PDE11A: variants seen among roughly 807,000 people sequenced by gnomAD.
The protein encoded by PDE11A is phosphodiesterase 11A, also known as dual 3',5'-cyclic-AMP and -GMP phosphodiesterase 11A.
Under a neutral mutation model 100.5 loss-of-function variants are expected in PDE11A, and 100 were observed. That is an observed-to-expected ratio of 1.00 (90% CI 0.85 to 1.18). The LOEUF (loss-of-function observed/expected upper bound fraction) is 1.18, where lower values mean the gene tolerates loss of function less well. PDE11A is among the 50% of genes most tolerant of loss of function. PDE11A has a pLI of 0.00. For synonymous variants in PDE11A, 381 were observed against 420.8 expected (o/e 0.91, Z 1.16); for missense variants, 1,141 against 1,152.6 (o/e 0.99, Z 0.15).
chr2:177,874,388 C>A (rs1179892075), intron 5 of PDE11A, among the ~76,000 whole-genome samples: 1 of 152,210 alleles, frequency 6.6e-6, no homozygotes, highest in Non-Finnish European at 1.5e-5. Context: ...ATATCTTCAT[C>A]ATTGTCATCA....
intron 2 of PDE11A, among the ~76,000 whole-genome samples, chr2:177,993,202 T>C (rs1249890934): frequency 6.6e-6 from 1 of 152,154 alleles, no homozygotes; most frequent in Admixed American, 6.5e-5. Flanking sequence ...ATCTGCGTGG[T>C]AGAGAGTAGG....
chr2:178,000,777 G>A (rs1375376561), intron 2 of PDE11A, among the ~76,000 whole-genome samples: 4 of 152,128 alleles, frequency 2.6e-5, no homozygotes, highest in Non-Finnish European at 5.9e-5. Context: ...AATGCCACAA[G>A]GCAATGTAAT....
chr2:178,082,903 G>C (rs1469505217), intron 2 of PDE11A, among the ~76,000 whole-genome samples: 1 of 152,026 alleles, frequency 6.6e-6, no homozygotes, highest in Non-Finnish European at 1.5e-5. Flanking sequence ...GGGAGAAAGT[G>C]TAACAAGCCA....
Position 177,727,698 on chromosome 2 carries a change from T to G in PDE11A, c.2003A>C (p.His668Pro), listed in dbSNP as rs745755269. Reference protein sequence around the residue: ...YRMVLYHNWRHAFNVCQLMFA... With the variant: ...YRMVLYHNWRPAFNVCQLMFA... ...CATCAGCTGACACACGTTGAAGGCA[T>G]GTCTCCAGTTGTGGTATAGAACCAT... is the stretch of plus-strand genomic sequence containing the variant. The change falls in exon 12 of 20, where the codon CAT becomes CCT. Residue 668 changes from histidine (H) to proline (P), a missense_variant. By Grantham distance (77) the His-to-Pro change is moderately conservative. Coordinates refer to ENST00000286063, the MANE Select transcript of PDE11A (RefSeq NM_016953.4). The G allele has an allele frequency of 6.2e-7, 1 of 1,611,314 alleles. No homozygotes were observed. The highest frequency in any genetic ancestry group is 1.7e-5 in the Admixed American group (1 of 59,954).
chr2:177,631,579 A>C (rs2079943432), intron 19 of PDE11A, among the ~76,000 whole-genome samples: 1 of 24,970 alleles, frequency 4.0e-5, no homozygotes, highest in African/African-American at 1.3e-4. Flanking sequence ...ACATGTATAT[A>C]TATATACACA....
chr2:177,872,437 T>C (rs578176436), intron 5 of PDE11A, among the ~76,000 whole-genome samples: 1 of 152,268 alleles, frequency 6.6e-6, no homozygotes, highest in East Asian at 1.9e-4. Flanking sequence ...TTGGTACTCA[T>C]TGCATGGAGA....
intron 10 of PDE11A, among the ~76,000 whole-genome samples, chr2:177,753,998 G>A (rs12990471): frequency 0.075 from 11,341 of 152,042 alleles, 548 homozygotes; most frequent in South Asian, 0.15. Flanking sequence ...AGGCCCATCT[G>A]GATCATCCTC....
intron 2 of PDE11A, among the ~76,000 whole-genome samples, chr2:177,908,266 G>A (rs375203978): frequency 6.6e-6 from 1 of 152,212 alleles, no homozygotes. Flanking sequence ...GCAGAAGCAG[G>A]AAGCAGTTCT....
chr2:177,851,664 G>A (rs1052898434), intron 5 of PDE11A, among the ~76,000 whole-genome samples: 1 of 152,146 alleles, frequency 6.6e-6, no homozygotes, highest in African/African-American at 2.4e-5. Flanking sequence ...TATATTGTGT[G>A]GTTTCATGCA....
chr2:178,023,116 A>G (rs1355228133), intron 1 of PDE11A, among the ~76,000 whole-genome samples: 1 of 152,178 alleles, frequency 6.6e-6, no homozygotes, highest in African/African-American at 2.4e-5. Flanking sequence ...CAGTAATTGG[A>G]TACATTTCTG....
intron 9 of PDE11A, among the ~76,000 whole-genome samples, chr2:177,803,191 G>C (rs1230344206): frequency 6.6e-6 from 1 of 151,620 alleles, no homozygotes; most frequent in Non-Finnish European, 1.5e-5. Context: ...AGCTCAGATA[G>C]AATAAGATGA....
intron 16 of PDE11A, among the ~76,000 whole-genome samples, chr2:177,676,275 G>C (rs924714964): frequency 6.6e-6 from 1 of 152,152 alleles, no homozygotes; most frequent in Non-Finnish European, 1.5e-5. Context: ...TAATGTGGTG[G>C]GAGGAGGAAA....
At chr2:177,810,062 T>C (rs556500361) in intron 9 of PDE11A, among the ~76,000 whole-genome samples, 6 of 151,288 alleles carry the variant, frequency 4.0e-5, no homozygotes, top group Non-Finnish European at 8.8e-5. Flanking sequence ...GGAAGAGGTC[T>C]ACCATCCTCC....
Position 177,822,492 on chromosome 2 carries a change from C to A in PDE11A, c.1501-2197G>T, listed in dbSNP as rs547529841. ...CAATACCACACTGTCTTAAATAATA[C>A]AGTTGTATGATAAGGCTCAGTATCT... On this transcript the variant is annotated intron_variant, in intron 6 of 19. Transcript: ENST00000286063. Among the ~76,000 whole-genome samples, 2 of 152,114 alleles carry A rather than the reference C, an allele frequency of 1.3e-5. 1 individual carries two copies. Among genetic ancestry groups the A allele is most frequent in the South Asian group, 4.1e-4 (2 of 4,828 alleles).
chr2:177,936,387 A>G (rs1371128890), intron 2 of PDE11A, among the ~76,000 whole-genome samples: 1 of 152,226 alleles, frequency 6.6e-6, no homozygotes, highest in Non-Finnish European at 1.5e-5. Context: ...GGTTCAAAAA[A>G]AAAGCTCACA....
intron 4 of PDE11A, among the ~76,000 whole-genome samples, chr2:177,886,759 A>T (rs899060439): frequency 3.3e-5 from 5 of 152,238 alleles, no homozygotes; most frequent in Admixed American, 6.5e-5. Flanking sequence ...CTATAAGTTC[A>T]TGCTTTTACA....
intron 2 of PDE11A, among the ~76,000 whole-genome samples, chr2:177,994,847 T>A (rs1352518672): frequency 6.6e-6 from 1 of 151,882 alleles, no homozygotes; most frequent in Admixed American, 6.6e-5. Flanking sequence ...TTCAAAAGCA[T>A]AAGGGGATAT....
At chr2:178,085,920 G>A (rs541872312) in intron 2 of PDE11A, among the ~76,000 whole-genome samples, 3 of 152,100 alleles carry the variant, frequency 2.0e-5, no homozygotes, top group Admixed American at 6.6e-5. Context: ...ACAGATTTTC[G>A]GAGACAGTTG....
intron 6 of PDE11A, among the ~76,000 whole-genome samples, chr2:177,823,317 G>A (rs1191729968): frequency 2.0e-5 from 3 of 152,118 alleles, no homozygotes. Context: ...AAGTGTCCAA[G>A]TAGAGGATGT....
Sources: gnomAD v4.1 joint callset for allele counts (sites outside exome capture counted in the v4.1 genomes callset) on GRCh38, gnomAD v4.1.1 for gene constraint, MANE v1.5 for transcripts, NCBI Gene and HGNC (gene_info 2026-07-23, HGNC 2026-07-21) for gene names.